Variants in FNDC3B observed in about 807,000 individuals in gnomAD.
FNDC3B encodes the protein fibronectin type III domain containing 3B, also known as fibronectin type III domain-containing protein 3B.
FNDC3B carries 12 observed loss-of-function variants against 151.5 expected under a neutral mutation model. The observed-to-expected ratio is 0.08, with a 90% CI of 0.05 to 0.13. The LOEUF (loss-of-function observed/expected upper bound fraction) is 0.13. Ranked by LOEUF, FNDC3B falls within the 10% of genes least tolerant of loss-of-function variation. FNDC3B has a pLI of 1.00. For synonymous variants in FNDC3B, 528 were observed against 549.0 expected, an observed-to-expected ratio of 0.96 and a Z score of 0.54; for missense variants, 1,214 against 1,505.3, an observed-to-expected ratio of 0.81 and a Z score of 3.20.
intron 3 of FNDC3B, among the ~76,000 whole-genome samples, chr3:172,191,461 G>T (rs1049828820): frequency 2.6e-5 from 4 of 152,152 alleles, no homozygotes; most frequent in African/African-American, 9.7e-5. Context: ...CAGAGGTTAA[G>T]CAGATTCTTT....
chr3:172,330,642 A>G lies in FNDC3B; in HGVS notation c.1481A>G (p.Gln494Arg). ...GCTGGCATCACATGGGTCACGTTGC[A>G]GTGGAGTAAGCCAGAAGGCTGTTCA... ...VRAGITWVTLQWSKPEGCSPE... is the reference protein window; with the variant it reads ...VRAGITWVTLRWSKPEGCSPE... Residue 494 changes from glutamine to arginine, a missense_variant, in exon 13 of 26, where the codon CAG becomes CGG. Transcript: ENST00000415807. 1.2e-6 allele frequency: 2 copies of G among 1,614,192 alleles called. No homozygotes were observed. Among genetic ancestry groups the G allele is most frequent in the Non-Finnish European group, 1.7e-6 (2 of 1,179,998 alleles).
At chr3:172,376,063 A>G (rs1735123013) in intron 23 of FNDC3B, among the ~76,000 whole-genome samples, 1 of 152,226 alleles carries the variant, frequency 6.6e-6, no homozygotes, top group Non-Finnish European at 1.5e-5. Context: ...ATAAAATTTT[A>G]AATTTCTCAT....
At chr3:172,218,134 G>GAAA (rs57576493) in intron 3 of FNDC3B, among the ~76,000 whole-genome samples, 8 of 62,738 alleles carry the variant, frequency 1.3e-4, no homozygotes, top group African/African-American at 4.1e-4. Flanking sequence ...CGACTTTCAG[G>GAAA]AAAAAAAAAA....
chr3:172,341,501 T>C (rs570094490), intron 17 of FNDC3B, among the ~76,000 whole-genome samples: 7 of 152,290 alleles, frequency 4.6e-5, no homozygotes, highest in African/African-American at 1.7e-4. Flanking sequence ...CCTGTGACAG[T>C]TGAAAATTGT....
intron 1 of FNDC3B, among the ~76,000 whole-genome samples, chr3:172,072,504 C>CA (rs938023533): frequency 1.3e-5 from 2 of 152,130 alleles, no homozygotes; most frequent in African/African-American, 4.8e-5. Flanking sequence ...TGCCTAACAA[C>CA]AAAATCCTGT....
chr3:172,113,907 G>A (rs1192423940), intron 2 of FNDC3B, among the ~76,000 whole-genome samples: 2 of 152,110 alleles, frequency 1.3e-5, no homozygotes, highest in Non-Finnish European at 2.9e-5. Context: ...TATCTCAGGA[G>A]TGTGTGCTGA....
At chr3:172,325,118 C>T (rs1454059016) in intron 11 of FNDC3B, among the ~76,000 whole-genome samples, 1 of 152,168 alleles carries the variant, frequency 6.6e-6, no homozygotes, top group Non-Finnish European at 1.5e-5. Context: ...TGTGTGTGAC[C>T]AGATCATTGA....
At chr3:172,392,304 G>A (rs965347546) in intron 25 of FNDC3B, among the ~76,000 whole-genome samples, 4 of 152,206 alleles carry the variant, frequency 2.6e-5, no homozygotes, top group Admixed American at 6.5e-5. Flanking sequence ...AACTCACCAG[G>A]AGGAATGTGC....
intron 11 of FNDC3B, chr3:172,317,146 C>A (rs767907067): frequency 4.9e-5 from 22 of 448,060 alleles, no homozygotes; most frequent in Non-Finnish European, 2.7e-5. Context: ...ATGACCACCT[C>A]TCAACATGTT....
intron 23 of FNDC3B, among the ~76,000 whole-genome samples, chr3:172,366,795 C>T (rs1368136244): frequency 6.6e-6 from 1 of 152,142 alleles, no homozygotes; most frequent in East Asian, 1.9e-4. Flanking sequence ...TTAAAGGATG[C>T]CAGTCTTGTA....
chr3:172,240,804 T>A (rs957944245), intron 4 of FNDC3B, among the ~76,000 whole-genome samples: 1 of 152,214 alleles, frequency 6.6e-6, no homozygotes, highest in African/African-American at 2.4e-5. Flanking sequence ...GTGCTGCTCC[T>A]GGGAACCCTC....
At chr3:172,080,337 A>C (rs4894800) in intron 1 of FNDC3B, among the ~76,000 whole-genome samples, 99,111 of 151,926 alleles carry the variant, frequency 0.65, 32,467 homozygotes, top group East Asian at 0.78. Flanking sequence ...GTGGCATGAT[A>C]CTAGCTCACT....
At chr3:172,093,477 C>T (rs1718946658) in intron 1 of FNDC3B, among the ~76,000 whole-genome samples, 2 of 151,766 alleles carry the variant, frequency 1.3e-5, no homozygotes, top group African/African-American at 4.8e-5. Context: ...CCAGGATGGT[C>T]TCGATCTCCT....
chr3:172,050,137 A>T (rs921446498), intron 1 of FNDC3B, among the ~76,000 whole-genome samples: 1 of 152,012 alleles, frequency 6.6e-6, no homozygotes, highest in African/African-American at 2.4e-5. Context: ...TTACCAAAAG[A>T]TGGGCAAGAT....
At chr3:172,094,399 TA>T (rs1718996178) in intron 1 of FNDC3B, among the ~76,000 whole-genome samples, 1 of 152,236 alleles carries the variant, frequency 6.6e-6, no homozygotes, top group Non-Finnish European at 1.5e-5. Context: ...AAGGGAATCG[TA>T]CATTATGTGG....
chr3:172,194,571 A>T (rs1724732097), intron 3 of FNDC3B, among the ~76,000 whole-genome samples: 1 of 152,216 alleles, frequency 6.6e-6, no homozygotes, highest in Non-Finnish European at 1.5e-5. Flanking sequence ...GGGTTGGTGG[A>T]AATACTCATT....
chr3:172,188,550 C>T (rs891945864), intron 3 of FNDC3B, among the ~76,000 whole-genome samples: 2 of 151,930 alleles, frequency 1.3e-5, no homozygotes, highest in Admixed American at 6.6e-5. Flanking sequence ...GGACTTCAGG[C>T]GGGTGCCACC....
At chr3:172,102,220 A>C (rs1719408934) in intron 1 of FNDC3B, among the ~76,000 whole-genome samples, 2 of 152,160 alleles carry the variant, frequency 1.3e-5, no homozygotes, top group South Asian at 4.1e-4. Flanking sequence ...AGCCTTAGTT[A>C]CTATATTTGT....
intron 3 of FNDC3B, among the ~76,000 whole-genome samples, chr3:172,150,396 G>T (rs1393865445): frequency 3.3e-5 from 5 of 151,852 alleles, no homozygotes; most frequent in African/African-American, 1.2e-4. Flanking sequence ...TTCATTTTAG[G>T]TGTACTGCCT....
Sources: gnomAD v4.1 joint callset for allele counts (sites outside exome capture counted in the v4.1 genomes callset) on GRCh38, gnomAD v4.1.1 for gene constraint, MANE v1.5 for transcripts, NCBI Gene and HGNC (gene_info 2026-07-23, HGNC 2026-07-21) for gene names.